The following RNF213 variants were observed in gnomAD, a reference collection of about 807,000 sequenced individuals.
RNF213 encodes the protein ring finger protein 213.
In RNF213, 341 loss-of-function variants were observed where a neutral mutation model predicts 514.4. The observed-to-expected ratio is 0.66, with a 90% CI of 0.61 to 0.73. RNF213 has a LOEUF of 0.73. Ranked by LOEUF, RNF213 falls within the 30% of genes least tolerant of loss-of-function variation. The pLI is 0.00. For synonymous variants in RNF213, 2,655 were observed against 2,658.2 expected, an observed-to-expected ratio of 1.00 and a Z score of 0.04; for missense variants, 5,767 against 6,615.6, an observed-to-expected ratio of 0.87 and a Z score of 4.45.
intron 18 of RNF213, among the ~76,000 whole-genome samples, chr17:80,327,285 C>T (rs2046304561): frequency 6.6e-6 from 1 of 152,136 alleles, no homozygotes; most frequent in Admixed American, 6.6e-5. Flanking sequence ...ATCTCTTGAG[C>T]CCAGGAGTTT....
rs371978343 is a variant in RNF213 at position 80,339,547 on chromosome 17, C to T, written c.5180C>T (p.Thr1727Met). Residue 1727 changes from threonine (T) to methionine (M), a missense_variant, in exon 26 of 68, where the codon ACG (threonine) becomes ATG (methionine). Physicochemically the swap from Thr to Met is moderately conservative, Grantham distance 81. This residue lies in a region of RNF213 where 1,377 missense variants were observed against 1,635.2 expected (regional missense o/e 0.84). Transcript: ENST00000582970. ...CAGCCCCCGAGTGATGCCGCCCTAACGATGCTATCCTTCATCAAAAGCAAC... is the reference window on the plus strand; with the variant it reads ...CAGCCCCCGAGTGATGCCGCCCTAATGATGCTATCCTTCATCAAAAGCAAC... Reference protein sequence around the residue: ...RKQPPSDAALTMLSFIKSNCT... With the variant: ...RKQPPSDAALMMLSFIKSNCT... 4.6e-5 allele frequency: 70 copies of T among 1,537,058 alleles called. No homozygotes were observed. Among genetic ancestry groups the T allele is most frequent in the East Asian group, 1.2e-4 (5 of 40,918 alleles).
rs766450002 is a variant in RNF213, at chr17:80,381,669, C to T, written c.13920C>T (p.Gly4640=). Residue 4640 remains glycine (G), a synonymous_variant, in exon 57 of 68, where the codon GGC becomes GGT. Coordinates refer to ENST00000582970, the MANE Select transcript of RNF213 (RefSeq NM_001256071.3). ...GACACAGTGCCGACGAGACCATCGG[C>T]GTGGTCCACCTCGTCCTGCGCAGGC... ...MLGHSADETI[G]VVHLVLRRLL... is the part of the protein sequence containing the mutation. 15 of 1,614,048 alleles carry T rather than the reference C, an allele frequency of 9.3e-6. No homozygotes were observed. The East Asian group carries it at 1.6e-4, about 17-fold the overall frequency.
chr17:80,374,813 A>G (rs983371722), intron 50 of RNF213: 4 of 552,234 alleles, frequency 7.2e-6, no homozygotes, highest in African/African-American at 3.8e-5. Flanking sequence ...CTGGGTTGAC[A>G]GATTTGCTGT....
At chr17:80,355,811 G>A (rs1397723823) in intron 36 of RNF213, among the ~76,000 whole-genome samples, 1 of 145,988 alleles carries the variant, frequency 6.8e-6, no homozygotes, top group Non-Finnish European at 1.5e-5. Flanking sequence ...GACCGGGAAT[G>A]GGGGCTTACA....
At chr17:80,298,598 T>C in intron 11 of RNF213, 80 bp downstream of exon 11, 2 of 1,462,864 alleles carry the variant, frequency 1.4e-6, no homozygotes. Context: ...CCCGGTGGGC[T>C]CTGCAGTGAC....
rs949415629 is a variant in RNF213, at chr17:80,386,353, C to T, written c.14643C>T (p.Thr4881=). 14 of 1,614,014 alleles carry T rather than the reference C, an allele frequency of 8.7e-6. No homozygotes were observed. The highest frequency in any genetic ancestry group is 2.7e-5 in the African/African-American group (2 of 74,924). ...GACGGGGCCTGGGCCTCTGTGCTACCGCTCTCGTCAGCTACTTGATTCGCC... is the reference window on the plus strand; with the variant it reads ...GACGGGGCCTGGGCCTCTGTGCTACTGCTCTCGTCAGCTACTTGATTCGCC... ...PRRRGLGLCA[T]ALVSYLIRLH... The change falls in exon 62 of 68, where the codon ACC becomes ACT. Residue 4881 remains threonine, a synonymous_variant. Coordinates refer to ENST00000582970, the MANE Select transcript of RNF213 (RefSeq NM_001256071.3).
At chr17:80,310,195 C>T (rs1361597367) in intron 14 of RNF213, among the ~76,000 whole-genome samples, 1 of 152,170 alleles carries the variant, frequency 6.6e-6, no homozygotes, top group Non-Finnish European at 1.5e-5. Flanking sequence ...AGTTTTCACC[C>T]ACTTGAGTTC....
intron 54 of RNF213, 172 bp from the exon 55 acceptor site, chr17:80,379,448 G>A (rs1023355116): frequency 1.4e-6 from 1 of 694,626 alleles, no homozygotes; most frequent in African/African-American, 1.7e-5. Context: ...ACATTAGTGA[G>A]TACCTACCCT....
chr17:80,321,500 C>T (rs2046134326), intron 17 of RNF213: 1 of 152,180 alleles, frequency 6.6e-6, no homozygotes, highest in South Asian at 2.1e-4. Flanking sequence ...TGTATGTCTT[C>T]ATTTCTCCTG....
Position 80,347,553 on chromosome 17 carries a change from G to A in RNF213, c.9218G>A (p.Gly3073Asp), listed in dbSNP as rs772323205. The change falls in exon 29 of 68, where the codon GGT becomes GAT. Residue 3073 changes from glycine to aspartate, a missense_variant. Coordinates refer to ENST00000582970, the MANE Select transcript of RNF213 (RefSeq NM_001256071.3). This position sits in a 1 kb window ranked among gnomAD's most constrained non-coding sequence, Gnocchi z 7.2. Reference sequence around the variant, plus strand: ...CAGCCGGAGATTATTTTTGGTTCTGGTTTCCCCAAGGACCAAGAGTACACC... The same window carrying A: ...CAGCCGGAGATTATTTTTGGTTCTGATTTCCCCAAGGACCAAGAGTACACC... ...DQQPEIIFGSGFPKDQEYTQL... is the reference protein window; with the variant it reads ...DQQPEIIFGSDFPKDQEYTQL... The A allele has an allele frequency of 6.2e-7, 1 of 1,614,118 alleles. No individual in the cohort carries two copies. The highest frequency in any genetic ancestry group is 1.3e-5 in the African/African-American group (1 of 75,050).
In RNF213 at chr17:80,394,308, G is replaced by A. The variant is rs2080596457; in HGVS notation, c.*810G>A. 1.3e-5 allele frequency: 2 copies of A among 152,238 alleles called. No individual in the cohort carries two copies. The highest frequency in any genetic ancestry group is 4.1e-4 in the South Asian group (2 of 4,836). 9.4% of individuals were successfully genotyped at this position (152,238 alleles called of 1,614,324 possible). On this transcript the variant is annotated 3_prime_UTR_variant, in exon 68 of 68. Transcript: ENST00000582970. The stretch of plus-strand genomic sequence containing the variant: ...ACAGGCCTGGTTCTGGCAGTTCTTT[G>A]CGGACTTTTTTCTAGCATTATGCCA...
In RNF213 at chr17:80,386,733, A is replaced by G. The variant is rs781402283; in HGVS notation, c.14764A>G (p.Ser4922Gly). The G allele has an allele frequency of 5.0e-6, 8 of 1,614,196 alleles. No homozygotes were observed. The highest frequency in any genetic ancestry group is 1.7e-5 in the Admixed American group (1 of 60,022). ...AAEVTELHVI[S>G]YEVERDLTPL... is the part of the protein sequence containing the mutation. The stretch of plus-strand genomic sequence containing the variant: ...CGAGGTCACTGAACTGCATGTCATC[A>G]GTTATGAAGTGGAGCGGGACCTGAC... The change falls in exon 63 of 68, where the codon AGT becomes GGT. Residue 4922 changes from serine (S) to glycine (G), a missense_variant. Ser to Gly is a moderately conservative substitution (Grantham distance 56). Transcript: ENST00000582970.
intron 18 of RNF213, among the ~76,000 whole-genome samples, chr17:80,326,052 G>A (rs945570548): frequency 9.2e-5 from 14 of 151,966 alleles, no homozygotes; most frequent in Non-Finnish European, 1.5e-4. Context: ...TCTGCCTCCC[G>A]GGTTCAAGCG....
chr17:80,290,424 AGTGTGCGC>A (rs1401720505), intron 6 of RNF213, 138 bp from the exon 7 acceptor site: 5 of 887,822 alleles, frequency 5.6e-6, no homozygotes, highest in South Asian at 1.4e-5. Flanking sequence ...CGTGTGTGCG[AGTGTGCGC>A]GTGTGTGCAT....
intron 42 of RNF213, 56 bp from the exon 43 acceptor site, chr17:80,367,692 C>G: frequency 6.9e-7 from 1 of 1,454,730 alleles, no homozygotes; most frequent in East Asian, 2.3e-5. Flanking sequence ...GTCGCCCGGC[C>G]TGGCCGCCCT....
chr17:80,332,212 G>A lies in RNF213; in HGVS notation c.3724G>A (p.Glu1242Lys). 4.6e-6 allele frequency: 7 copies of A among 1,537,212 alleles called. No individual in the cohort carries two copies. Among genetic ancestry groups the A allele is most frequent in the Non-Finnish European group, 6.1e-6 (7 of 1,146,920 alleles). ...IFQLFWREAA[E>K]PLSEPKEDQE... ...CCAGCTCTTCTGGCGGGAAGCCGCA[G>A]AGCCGCTGAGTGAGCCTAAGGAGGA... The change falls in exon 21 of 68, where the codon GAG (glutamate) becomes AAG (lysine). Residue 1242 changes from glutamate to lysine, a missense_variant. Glu to Lys is a moderately conservative substitution (Grantham distance 56). Around this residue, in one of 13 missense-constraint regions of RNF213, gnomAD observed 516 missense variants for 566.5 expected, o/e 0.91. Coordinates refer to ENST00000582970, the MANE Select transcript of RNF213 (RefSeq NM_001256071.3).
chr17:80,297,751 C>T (rs1418884556), intron 10 of RNF213, among the ~76,000 whole-genome samples: 15 of 146,652 alleles, frequency 1.0e-4, no homozygotes, highest in Non-Finnish European at 1.3e-4. Flanking sequence ...CGTGCCACTG[C>T]GCTCCAGCCT....
At position 80,338,006 on chromosome 17, in the gene RNF213, G is replaced by T; in HGVS notation, c.4833+9G>T. Reference sequence around the variant, plus strand: ...TGGAGAGGTTTTCAGAGGTGAGGGCGCATCTTTGCAGTGGCGCTAAGCTGG... The same window carrying T: ...TGGAGAGGTTTTCAGAGGTGAGGGCTCATCTTTGCAGTGGCGCTAAGCTGG... On this transcript the variant is annotated intron_variant, in intron 25 of 67. Coordinates refer to ENST00000582970, the MANE Select transcript of RNF213 (RefSeq NM_001256071.3). 3.9e-6 allele frequency: 6 copies of T among 1,537,262 alleles called. No individual in the cohort carries two copies. Among genetic ancestry groups the T allele is most frequent in the Non-Finnish European group, 4.4e-6 (5 of 1,146,912 alleles).
At position 80,326,229 on chromosome 17, in the gene RNF213, A is replaced by T. The variant is rs78676934; in HGVS notation, c.3193+1031A>T. The stretch of plus-strand genomic sequence containing the variant: ...AGCGCTGACCTCCCGGGCTCACGTG[A>T]TCCTCCTGCCTCAGCCTCCCAAGTG... On this transcript the variant is annotated intron_variant, in intron 18 of 67. Coordinates refer to ENST00000582970, the MANE Select transcript of RNF213 (RefSeq NM_001256071.3). Among the ~76,000 whole-genome samples, 4 of 152,236 alleles carry T rather than the reference A, an allele frequency of 2.6e-5. No homozygotes were observed. In the East Asian group the frequency reaches 7.7e-4, roughly 29 times the overall value.
Sources: gnomAD v4.1 joint callset for allele counts (sites outside exome capture counted in the v4.1 genomes callset) on GRCh38, gnomAD v4.1.1 for gene constraint, gnomAD v4.1.1 regional missense constraint, Gnocchi (gnomAD v3.1) non-coding constraint, MANE v1.5 for transcripts, NCBI Gene and HGNC (gene_info 2026-07-23, HGNC 2026-07-21) for gene names.